ARHGEF11: variants seen among roughly 807,000 people sequenced by gnomAD.
ARHGEF11 encodes Rho guanine nucleotide exchange factor 11, also known as Rho guanine exchange factor (GEF) 11.
In ARHGEF11, 55 loss-of-function variants were observed where a neutral mutation model predicts 193.7. The observed-to-expected ratio is 0.28, with a 90% CI of 0.23 to 0.36. ARHGEF11 has a LOEUF of 0.36. ARHGEF11 is among the 10% of genes least tolerant of loss of function. ARHGEF11 has a pLI of 1.00. For synonymous variants in ARHGEF11, 693 were observed against 768.0 expected (o/e 0.90, Z 1.62); for missense variants, 1,723 against 2,005.6 (o/e 0.86, Z 2.69).
At chr1:156,973,739 T>C (rs969454658) in intron 7 of ARHGEF11, among the ~76,000 whole-genome samples, 68 of 152,208 alleles carry the variant, frequency 4.5e-4, no homozygotes, top group African/African-American at 1.6e-3. Context: ...CTTGGAGCCA[T>C]CTTTTATTCT....
intron 1 of ARHGEF11, among the ~76,000 whole-genome samples, chr1:157,007,854 TATTTA>T (rs1668012754): frequency 6.6e-6 from 1 of 152,134 alleles, no homozygotes; most frequent in African/African-American, 2.4e-5. Flanking sequence ...ATAACTTTCT[TATTTA>T]ATTTGTTTAG....
chr1:156,991,740 G>A lies in ARHGEF11; in HGVS notation c.33-5567C>T, dbSNP rs1375505024. 2.4e-4 allele frequency among the ~76,000 whole-genome samples: 22 copies of A among 91,754 alleles called. No individual in the cohort carries two copies. In the South Asian group the frequency reaches 6.0e-3, roughly 25 times the overall value. 60.2% of individuals were successfully genotyped at this position (91,754 alleles called of 152,430 possible). ...TTTTTTTTTTTTTTTTTTTTGAGACGGAGTCTCGCTCTGTCGCCCAGGCTG... is the reference window on the plus strand; with the variant it reads ...TTTTTTTTTTTTTTTTTTTTGAGACAGAGTCTCGCTCTGTCGCCCAGGCTG... On this transcript the variant is annotated intron_variant, in intron 1 of 40. Coordinates refer to ENST00000368194, the MANE Select transcript of ARHGEF11 (RefSeq NM_198236.3).
chr1:156,938,566 GGGAA>G (rs1656031529), intron 37 of ARHGEF11, 53 bp from the exon 38 acceptor site: 3 of 1,563,492 alleles, frequency 1.9e-6, no homozygotes, highest in African/African-American at 1.4e-5. Flanking sequence ...CACAAGGAAA[GGGAA>G]GGGAGAGAGA....
In ARHGEF11 at chr1:157,031,632, G is replaced by A. The variant is rs547177433; in HGVS notation, c.32+12667C>T. The stretch of plus-strand genomic sequence containing the variant: ...ACAGGGCAAAAAGAAAAGCAGGAGA[G>A]GAGGAAGAGGCTCGAAGGTCAGGGG... On this transcript the variant is annotated intron_variant, in intron 1 of 40. Coordinates refer to ENST00000368194, the MANE Select transcript of ARHGEF11 (RefSeq NM_198236.3). Among the ~76,000 whole-genome samples the A allele has an allele frequency of 1.2e-4, 19 of 152,286 alleles. 1 individual carries two copies. The South Asian group carries it at 3.9e-3, about 32-fold the overall frequency.
chr1:157,013,259 TCACTCACACACACACACACACA>T (rs1480257513), intron 1 of ARHGEF11, among the ~76,000 whole-genome samples: 17 of 109,574 alleles, frequency 1.6e-4, no homozygotes, highest in African/African-American at 4.6e-4. Context: ...CTCCCCACTA[TCACTCACACACACACACACACA>T]CACACACACA....
At chr1:156,952,492 G>A (rs567379419) in intron 21 of ARHGEF11, among the ~76,000 whole-genome samples, 1 of 152,298 alleles carries the variant, frequency 6.6e-6, no homozygotes, top group Admixed American at 6.5e-5. Context: ...ATTAGAACAG[G>A]GGTGGGCTAG....
At chr1:156,959,962 AAC>A (rs1254603166) in intron 15 of ARHGEF11, among the ~76,000 whole-genome samples, 2 of 138,012 alleles carry the variant, frequency 1.4e-5, no homozygotes, top group Admixed American at 1.5e-4. Flanking sequence ...CAATAAGAAA[AAC>A]CACTCTGGAG....
At chr1:156,954,963 G>A (rs758730088) in intron 20 of ARHGEF11, 42 bp from the exon 21 acceptor site, 58 of 1,532,894 alleles carry the variant, frequency 3.8e-5, no homozygotes, top group Non-Finnish European at 5.1e-5. Flanking sequence ...ACCATGAAAA[G>A]TCAATCAATG....
In ARHGEF11 at chr1:156,935,845, A is replaced by T; in HGVS notation, c.*155T>A. On this transcript the variant is annotated 3_prime_UTR_variant, in exon 41 of 41. Transcript: ENST00000368194. ...CTCCGACTTGAGCAGACCAAGCAAC[A>T]TGCGGGTCTCCCCCCGGGCCTTGGC... 1 of 809,306 alleles carries T rather than the reference A, an allele frequency of 1.2e-6. No homozygotes were observed. The highest frequency in any genetic ancestry group is 1.9e-6 in the Non-Finnish European group (1 of 518,522). The allele number at this position is 809,306 out of a possible 1,614,324, so 50.1% of individuals were successfully genotyped here.
At chr1:156,955,045 T>A in intron 20 of ARHGEF11, 124 bp from the exon 21 acceptor site, 1 of 782,374 alleles carries the variant, frequency 1.3e-6, no homozygotes, top group Non-Finnish European at 2.1e-6. Flanking sequence ...AAGGCTGATC[T>A]AGAAGAATCT....
At chr1:156,975,995 TATC>T (rs1370866279) in intron 7 of ARHGEF11, among the ~76,000 whole-genome samples, 1 of 152,200 alleles carries the variant, frequency 6.6e-6, no homozygotes, top group Non-Finnish European at 1.5e-5. Flanking sequence ...TGTTAGCACT[TATC>T]ATAATATAGT....
At chr1:156,936,705 G>A (rs1571109046) in intron 40 of ARHGEF11, 111 bp downstream of exon 40, 10 of 1,278,298 alleles carry the variant, frequency 7.8e-6, no homozygotes, top group Middle Eastern at 2.8e-4. Context: ...TTTCACTCAA[G>A]GGGAAACCAC....
At chr1:156,996,739 C>T (rs1436299839) in intron 1 of ARHGEF11, among the ~76,000 whole-genome samples, 1 of 136,148 alleles carries the variant, frequency 7.3e-6, no homozygotes, top group Non-Finnish European at 1.5e-5. Context: ...CGCCACTGCA[C>T]TCCATCCTGG....
chr1:157,044,423 A>C lies in ARHGEF11; in HGVS notation c.-93T>G. ...TGCAATTTTTGAGCAAGGTGAGAGGAGGGCCTCCCAACTTGAAGATAGAAT... is the reference window on the plus strand; with the variant it reads ...TGCAATTTTTGAGCAAGGTGAGAGGCGGGCCTCCCAACTTGAAGATAGAAT... On this transcript the variant is annotated 5_prime_UTR_variant, in exon 1 of 41. Coordinates refer to ENST00000368194, the MANE Select transcript of ARHGEF11 (RefSeq NM_198236.3). 2.5e-6 allele frequency: 3 copies of C among 1,194,532 alleles called. No individual in the cohort carries two copies. The highest frequency in any genetic ancestry group is 3.7e-6 in the Non-Finnish European group (3 of 801,590). The allele number at this position is 1,194,532 out of a possible 1,614,324, so 74.0% of individuals were successfully genotyped here. A position where few individuals can be genotyped will look rare whatever the true frequency, so the allele number is the denominator to read the frequency against.
chr1:157,011,478 A>T (rs1164002541), intron 1 of ARHGEF11, among the ~76,000 whole-genome samples: 1 of 152,160 alleles, frequency 6.6e-6, no homozygotes, highest in African/African-American at 2.4e-5. Context: ...AAAAATATAT[A>T]AAAACTGGAC....
At chr1:156,947,133 T>C (rs536265583) in intron 26 of ARHGEF11, 118 bp from the exon 27 acceptor site, 17 of 1,483,494 alleles carry the variant, frequency 1.1e-5, no homozygotes, top group South Asian at 9.5e-5. Context: ...TGGAAACCAT[T>C]GTACTTTCGG....
chr1:157,013,259 T>TCACACACACACA (rs567488551), intron 1 of ARHGEF11, among the ~76,000 whole-genome samples: 1,804 of 109,500 alleles, frequency 0.016, 92 homozygotes, highest in African/African-American at 0.025. Flanking sequence ...CTCCCCACTA[T>TCACACACACACA]CACTCACACA....
chr1:156,958,254 CAT>C (rs1170237415), intron 17 of ARHGEF11, among the ~76,000 whole-genome samples: 3 of 151,960 alleles, frequency 2.0e-5, no homozygotes. Flanking sequence ...GCTAGAAAAA[CAT>C]AACAAAAGCG....
intron 7 of ARHGEF11, among the ~76,000 whole-genome samples, chr1:156,975,137 C>T (rs751069096): frequency 6.6e-6 from 1 of 152,160 alleles, no homozygotes; most frequent in South Asian, 2.1e-4. Flanking sequence ...CCATCAATGG[C>T]GGAATAGATT....
Sources: gnomAD v4.1 joint callset for allele counts (sites outside exome capture counted in the v4.1 genomes callset) on GRCh38, gnomAD v4.1.1 for gene constraint, MANE v1.5 for transcripts, NCBI Gene and HGNC (gene_info 2026-07-23, HGNC 2026-07-21) for gene names.